Variants in ARHGAP26 observed in about 807,000 individuals in gnomAD.
The protein encoded by ARHGAP26 is Rho GTPase activating protein 26, also known as rho GTPase-activating protein 26.
A neutral mutation model predicts 104.8 loss-of-function variants in ARHGAP26; 38 were observed. The ratio of observed to expected loss-of-function variants is 0.36; its 90% CI spans 0.28 to 0.48. The LOEUF is 0.48. Among genes scored for constraint, ARHGAP26 ranks in the 20% least tolerant of loss-of-function variants. The probability of loss-of-function intolerance (pLI) is 0.99; values close to 1 mark genes in which losing one functional copy is unlikely to be tolerated. For missense variants in ARHGAP26, 704 were observed against 947.9 expected (o/e 0.74, Z 3.38); for synonymous variants, 341 against 340.0 (o/e 1.00, Z -0.03).
intron 11 of ARHGAP26, among the ~76,000 whole-genome samples, chr5:142,956,168 TGAC>T (rs1310141905): frequency 6.6e-6 from 1 of 152,208 alleles, no homozygotes; most frequent in African/African-American, 2.4e-5. Context: ...TATTAACTGA[TGAC>T]TGATCACTAA....
rs1811516931 is a variant in ARHGAP26, at chr5:143,224,660, T to A, written c.*2214T>A. On this transcript the variant is annotated 3_prime_UTR_variant, in exon 23 of 23. Transcript: ENST00000645722. ...ATGTGGACAAGCTAGTTTTCAAATT[T>A]TGTGTGCGTCTGTAAGTTCTTAAAG... is the stretch of plus-strand genomic sequence containing the variant. The A allele has an allele frequency of 4.3e-6, 1 of 230,218 alleles. No homozygotes were observed. Among genetic ancestry groups the A allele is most frequent in the African/African-American group, 2.2e-5 (1 of 45,190 alleles). 14.3% of individuals were successfully genotyped at this position (230,218 alleles called of 1,614,324 possible).
intron 22 of ARHGAP26, among the ~76,000 whole-genome samples, chr5:143,222,127 G>A (rs945507432): frequency 1.3e-5 from 2 of 152,144 alleles, no homozygotes; most frequent in Non-Finnish European, 2.9e-5. Context: ...TGTAAAGAAA[G>A]TTCAGGACAG....
At chr5:143,176,156 G>A (rs1353775774) in intron 20 of ARHGAP26, among the ~76,000 whole-genome samples, 7 of 152,056 alleles carry the variant, frequency 4.6e-5, no homozygotes, top group African/African-American at 1.4e-4. Flanking sequence ...TATGACACGT[G>A]ACAATGAAAC....
At chr5:143,085,843 C>T (rs1447463123) in intron 17 of ARHGAP26, among the ~76,000 whole-genome samples, 1 of 152,222 alleles carries the variant, frequency 6.6e-6, no homozygotes, top group Non-Finnish European at 1.5e-5. Context: ...ATTTCAAACT[C>T]ATTGGAAACC....
intron 17 of ARHGAP26, among the ~76,000 whole-genome samples, chr5:143,071,310 T>TA (rs1158465482): frequency 6.6e-6 from 1 of 151,978 alleles, no homozygotes; most frequent in East Asian, 1.9e-4. Context: ...AGAGAATCCA[T>TA]AAATGAATCT....
At chr5:143,060,452 T>A (rs973534155) in intron 17 of ARHGAP26, among the ~76,000 whole-genome samples, 52 of 152,140 alleles carry the variant, frequency 3.4e-4, no homozygotes, top group African/African-American at 1.2e-3. Flanking sequence ...AAAAAAAGTA[T>A]TGGGTGGGGG....
chr5:143,126,934 A>T (rs189328035), intron 18 of ARHGAP26, among the ~76,000 whole-genome samples: 24 of 152,292 alleles, frequency 1.6e-4, no homozygotes, highest in Non-Finnish European at 2.9e-4. Flanking sequence ...AAGTAGGCAA[A>T]AACTTAAGGT....
chr5:143,057,531 G>A, intron 16 of ARHGAP26, 111 bp from the exon 17 acceptor site: 1 of 831,434 alleles, frequency 1.2e-6, no homozygotes, highest in Non-Finnish European at 2.0e-6. Flanking sequence ...GTAAATCTTT[G>A]AGAAATCCTT....
intron 17 of ARHGAP26, among the ~76,000 whole-genome samples, chr5:143,110,804 G>A (rs1794689039): frequency 6.6e-6 from 1 of 152,192 alleles, no homozygotes; most frequent in African/African-American, 2.4e-5. Context: ...CTTTTTATAT[G>A]TGAATGCTGC....
intron 10 of ARHGAP26, among the ~76,000 whole-genome samples, chr5:142,931,309 T>C (rs952496222): frequency 2.0e-5 from 3 of 152,200 alleles, no homozygotes; most frequent in Non-Finnish European, 4.4e-5. Flanking sequence ...CAAGGTCGTT[T>C]TTATGGCGCA....
chr5:142,786,235 G>T (rs1277128672), intron 1 of ARHGAP26, among the ~76,000 whole-genome samples: 1 of 151,642 alleles, frequency 6.6e-6, no homozygotes, highest in Non-Finnish European at 1.5e-5. Flanking sequence ...TCCTGCCTTG[G>T]CCTCCCAAAG....
intron 22 of ARHGAP26, among the ~76,000 whole-genome samples, chr5:143,221,964 A>G (rs1453392723): frequency 7.1e-6 from 1 of 140,010 alleles, no homozygotes. Context: ...AAGGATGGAT[A>G]CATGTATGGA....
At chr5:142,963,048 A>G (rs1032119995) in intron 11 of ARHGAP26, among the ~76,000 whole-genome samples, 4 of 151,572 alleles carry the variant, frequency 2.6e-5, no homozygotes, top group Non-Finnish European at 5.9e-5. Context: ...GAAAACATGC[A>G]GTATTTGTTT....
intron 1 of ARHGAP26, among the ~76,000 whole-genome samples, chr5:142,812,991 G>T (rs1282756417): frequency 2.0e-5 from 3 of 146,570 alleles, no homozygotes; most frequent in Non-Finnish European, 3.0e-5. Flanking sequence ...AGGCTGGAGT[G>T]CAGTGGCGCG....
At chr5:143,088,236 G>A (rs1397303683) in intron 17 of ARHGAP26, among the ~76,000 whole-genome samples, 1 of 152,142 alleles carries the variant, frequency 6.6e-6, no homozygotes, top group African/African-American at 2.4e-5. Flanking sequence ...TCTGATTAAT[G>A]TTCATCATTT....
chr5:142,899,989 A>T (rs1760064428), intron 6 of ARHGAP26, among the ~76,000 whole-genome samples: 1 of 152,216 alleles, frequency 6.6e-6, no homozygotes, highest in Admixed American at 6.5e-5. Context: ...ATCATAGTTA[A>T]TAGGAGGAAT....
At chr5:143,211,122 A>G (rs1162865281) in intron 21 of ARHGAP26, among the ~76,000 whole-genome samples, 1 of 152,210 alleles carries the variant, frequency 6.6e-6, no homozygotes, top group Non-Finnish European at 1.5e-5. Flanking sequence ...AGAAGGAGTT[A>G]TGGGACACTT....
chr5:143,109,945 C>T (rs868245839), intron 17 of ARHGAP26, among the ~76,000 whole-genome samples: 1 of 152,168 alleles, frequency 6.6e-6, no homozygotes, highest in African/African-American at 2.4e-5. Flanking sequence ...CCCTCAAGTC[C>T]ATTATGTCTC....
intron 17 of ARHGAP26, among the ~76,000 whole-genome samples, chr5:143,114,264 G>A (rs1015541890): frequency 1.3e-5 from 2 of 152,120 alleles, no homozygotes; most frequent in Non-Finnish European, 2.9e-5. Flanking sequence ...TGCCACCATT[G>A]GGGCAGTCCT....
Sources: gnomAD v4.1 joint callset for allele counts (sites outside exome capture counted in the v4.1 genomes callset) on GRCh38, gnomAD v4.1.1 for gene constraint, MANE v1.5 for transcripts, NCBI Gene and HGNC (gene_info 2026-07-23, HGNC 2026-07-21) for gene names.